The following SNX7 variants were observed in gnomAD, a reference collection of about 807,000 sequenced individuals.
The protein encoded by SNX7 is sorting nexin 7.
In SNX7, 35 loss-of-function variants were observed where a neutral mutation model predicts 48.4. That is an observed-to-expected ratio of 0.72 (90% CI 0.55 to 0.96). The LOEUF is 0.96. SNX7 is among the 40% of genes least tolerant of loss of function. The pLI, the probability that SNX7 is intolerant of heterozygous loss-of-function variation, is 0.00. For missense variants in SNX7, 553 were observed against 548.9 expected (o/e 1.01, Z -0.07); for synonymous variants, 190 against 190.2 (o/e 1.00, Z 0.01).
chr1:98,750,978 C>T (rs529321129), intron 8 of SNX7, among the ~76,000 whole-genome samples: 1 of 152,106 alleles, frequency 6.6e-6, no homozygotes, highest in East Asian at 1.9e-4. Flanking sequence ...CACAGTTAGC[C>T]TCTGGAAATC....
chr1:98,675,945 A>C (rs1054976574), intron 1 of SNX7, among the ~76,000 whole-genome samples: 1 of 152,186 alleles, frequency 6.6e-6, no homozygotes, highest in South Asian at 2.1e-4. Flanking sequence ...ATCATGTACA[A>C]TGTTGACTCT....
In SNX7 at chr1:98,710,648, A is replaced by G. The variant is rs192008088; in HGVS notation, c.1125+8745A>G. ...TATATAGAAACTCAAACCAGATTCA[A>G]TTTCTTTTTAATTTAGACTTTTTGT... On this transcript the variant is annotated intron_variant, in intron 7 of 8. Coordinates refer to ENST00000306121, the MANE Select transcript of SNX7 (RefSeq NM_015976.5). 5.3e-3 allele frequency among the ~76,000 whole-genome samples: 805 copies of G among 152,306 alleles called. 5 individuals carry two copies. Among genetic ancestry groups the G allele is most frequent in the Non-Finnish European group, 9.6e-3 (653 of 68,020 alleles).
chr1:98,713,973 ATGATGC>A (rs1652454190), intron 7 of SNX7, among the ~76,000 whole-genome samples: 1 of 152,226 alleles, frequency 6.6e-6, no homozygotes, highest in South Asian at 2.1e-4. Flanking sequence ...TGTTGGAAAA[ATGATGC>A]TGGTAGGCTT....
intron 4 of SNX7, among the ~76,000 whole-genome samples, chr1:98,693,820 C>A (rs1312523463): frequency 2.0e-5 from 3 of 152,074 alleles, no homozygotes; most frequent in African/African-American, 2.4e-5. Flanking sequence ...ATATTTTTAT[C>A]TGTAAATTAG....
intron 8 of SNX7, among the ~76,000 whole-genome samples, chr1:98,739,051 T>C (rs1410065482): frequency 6.6e-6 from 1 of 152,168 alleles, no homozygotes; most frequent in East Asian, 1.9e-4. Context: ...ACAGGTTTCA[T>C]GGAAGACAAG....
At chr1:98,721,615 G>T (rs914027039) in intron 7 of SNX7, among the ~76,000 whole-genome samples, 1 of 152,020 alleles carries the variant, frequency 6.6e-6, no homozygotes, top group Non-Finnish European at 1.5e-5. Context: ...GGTATATTGA[G>T]AACTAAATGA....
At chr1:98,691,014 G>A (rs773070506) in intron 2 of SNX7, 61 bp from the exon 3 acceptor site, 133 of 1,045,168 alleles carry the variant, frequency 1.3e-4, no homozygotes, top group Non-Finnish European at 1.8e-4. Flanking sequence ...CTAAAATAAC[G>A]TTAGGCAAAT....
At chr1:98,746,582 T>C (rs1027752458) in intron 8 of SNX7, among the ~76,000 whole-genome samples, 11 of 152,118 alleles carry the variant, frequency 7.2e-5, no homozygotes, top group African/African-American at 2.7e-4. Flanking sequence ...GATAGAGATA[T>C]AAGATTTCTA....
chr1:98,757,842 T>C (rs1654928133), intron 8 of SNX7, among the ~76,000 whole-genome samples: 1 of 152,088 alleles, frequency 6.6e-6, no homozygotes, highest in Non-Finnish European at 1.5e-5. Flanking sequence ...CACTACACTA[T>C]ACTTCCTCAC....
intron 1 of SNX7, among the ~76,000 whole-genome samples, chr1:98,671,554 C>T (rs953596339): frequency 2.6e-5 from 4 of 151,908 alleles, no homozygotes; most frequent in African/African-American, 9.7e-5. Flanking sequence ...GTATAATTTA[C>T]ATACCATAAA....
chr1:98,662,135 A>G (rs1369106805), intron 1 of SNX7: 2 of 388,192 alleles, frequency 5.2e-6, no homozygotes, highest in Non-Finnish European at 4.5e-6. Flanking sequence ...CCTCCTCCGC[A>G]CTTTGACCTT....
intron 7 of SNX7, among the ~76,000 whole-genome samples, chr1:98,719,212 G>A (rs1652739613): frequency 6.6e-6 from 1 of 152,076 alleles, no homozygotes; most frequent in Non-Finnish European, 1.5e-5. Flanking sequence ...CCCATGTAGG[G>A]TGCTTAGAAT....
intron 1 of SNX7, among the ~76,000 whole-genome samples, chr1:98,681,450 A>G (rs1650485868): frequency 6.6e-6 from 1 of 152,230 alleles, no homozygotes; most frequent in African/African-American, 2.4e-5. Flanking sequence ...TTAAAGCAGT[A>G]GAAGAATGAA....
At chr1:98,710,271 TA>T (rs1174373611) in intron 7 of SNX7, among the ~76,000 whole-genome samples, 1 of 152,128 alleles carries the variant, frequency 6.6e-6, no homozygotes, top group Non-Finnish European at 1.5e-5. Context: ...AAGTAGAACA[TA>T]AAAATGTACA....
intron 8 of SNX7, among the ~76,000 whole-genome samples, chr1:98,758,656 G>A (rs540732512): frequency 2.0e-5 from 3 of 151,994 alleles, no homozygotes; most frequent in South Asian, 2.1e-4. Flanking sequence ...CCCCAAGCCT[G>A]GCCTTCAAAA....
intron 7 of SNX7, among the ~76,000 whole-genome samples, chr1:98,707,606 T>A (rs1388606752): frequency 2.0e-5 from 3 of 152,240 alleles, no homozygotes; most frequent in Non-Finnish European, 1.5e-5. Flanking sequence ...CATATCTATT[T>A]TATTTTTATT....
At chr1:98,680,798 A>G (rs1411921791) in intron 1 of SNX7, among the ~76,000 whole-genome samples, 1 of 152,154 alleles carries the variant, frequency 6.6e-6, no homozygotes, top group African/African-American at 2.4e-5. Flanking sequence ...TTCATTGTCC[A>G]TGTCATTATC....
At chr1:98,716,659 A>G (rs1652606497) in intron 7 of SNX7, among the ~76,000 whole-genome samples, 1 of 152,150 alleles carries the variant, frequency 6.6e-6, no homozygotes, top group Non-Finnish European at 1.5e-5. Flanking sequence ...AGCTAGTTAA[A>G]TAGAAGAGCC....
chr1:98,661,690 C>G (rs1377241498), upstream of SNX7: 1 of 1,197,774 alleles, frequency 8.3e-7, no homozygotes, highest in Non-Finnish European at 1.0e-6. Context: ...GGGAGCCGGG[C>G]TGGCGGCGGC....
Sources: gnomAD v4.1 joint callset for allele counts (sites outside exome capture counted in the v4.1 genomes callset) on GRCh38, gnomAD v4.1.1 for gene constraint, MANE v1.5 for transcripts, NCBI Gene and HGNC (gene_info 2026-07-23, HGNC 2026-07-21) for gene names.